CAND2: variants seen among roughly 807,000 people sequenced by gnomAD.
CAND2 encodes cullin associated and neddylation dissociated 2 (putative), also known as cullin-associated NEDD8-dissociated protein 2.
In CAND2, 62 loss-of-function variants were observed where a neutral mutation model predicts 98.9. That is an observed-to-expected ratio of 0.63 (90% CI 0.51 to 0.77). The LOEUF (loss-of-function observed/expected upper bound fraction) is 0.77, where lower values mean the gene tolerates loss of function less well. Ranked by LOEUF, CAND2 falls within the 30% of genes least tolerant of loss-of-function variation. The pLI is 0.00. For synonymous variants in CAND2, 770 were observed against 731.9 expected (o/e 1.05, Z -0.84); for missense variants, 1,501 against 1,655.2 (o/e 0.91, Z 1.62).
chr3:12,810,523 A>AAACGC (rs1416302520), intron 5 of CAND2, among the ~76,000 whole-genome samples, 199 bp downstream of exon 5: 1 of 152,200 alleles, frequency 6.6e-6, no homozygotes, highest in Non-Finnish European at 1.5e-5. Flanking sequence ...GAAGCCCCTG[A>AAACGC]AACGCAGAGG....
Position 12,817,620 on chromosome 3 carries a change from C to T in CAND2, c.2688C>T (p.Phe896=), listed in dbSNP as rs763399775. ...GRVGAGSLPD[F]LPFLLEQIEA... Reference sequence around the variant, plus strand: ...TGGGTGCTGGCAGCCTGCCCGACTTCCTGCCCTTCCTGCTGGAGCAGATCG... The same window carrying T: ...TGGGTGCTGGCAGCCTGCCCGACTTTCTGCCCTTCCTGCTGGAGCAGATCG... Residue 896 remains phenylalanine, a synonymous_variant, in exon 10 of 15, where the codon TTC becomes TTT. Coordinates refer to ENST00000456430, the MANE Select transcript of CAND2 (RefSeq NM_001162499.2). The T allele has an allele frequency of 1.3e-5, 21 of 1,613,554 alleles. No homozygotes were observed. Among genetic ancestry groups the T allele is most frequent in the Non-Finnish European group, 1.8e-5 (21 of 1,180,004 alleles).
At chr3:12,798,918 C>T (rs1226176171) in intron 1 of CAND2, among the ~76,000 whole-genome samples, 6 of 150,636 alleles carry the variant, frequency 4.0e-5, no homozygotes, top group Non-Finnish European at 5.9e-5. Context: ...GTTCCTGGAG[C>T]GGGGCAGCGA....
intron 5 of CAND2, among the ~76,000 whole-genome samples, chr3:12,811,869 A>G (rs1488447235): frequency 6.7e-6 from 1 of 150,178 alleles, no homozygotes; most frequent in Non-Finnish European, 1.5e-5. Flanking sequence ...GGGGTGAGCC[A>G]CTGCACCCAA....
intron 12 of CAND2, among the ~76,000 whole-genome samples, chr3:12,827,210 TCAGA>T (rs2062010554): frequency 1.3e-5 from 2 of 152,198 alleles, no homozygotes; most frequent in African/African-American, 4.8e-5. Context: ...TGCCTGCCAC[TCAGA>T]CAGTGCCTGC....
chr3:12,808,285 T>C lies in CAND2; in HGVS notation c.443T>C (p.Val148Ala), dbSNP rs953763551. The C allele has an allele frequency of 1.3e-6, 2 of 1,551,348 alleles. No individual in the cohort carries two copies. The highest frequency in any genetic ancestry group is 1.4e-5 in the African/African-American group (1 of 73,044). The change falls in exon 4 of 15, where the codon GTG (valine) becomes GCG (alanine). Residue 148 changes from valine (V) to alanine (A), a missense_variant. Physicochemically the swap from Val to Ala is moderately conservative, Grantham distance 64. Around this residue, in one of 3 missense-constraint regions of CAND2, gnomAD observed 1,427 missense variants for 1,545.3 expected, o/e 0.92. Coordinates refer to ENST00000456430, the MANE Select transcript of CAND2 (RefSeq NM_001162499.2). ...LTSAIAQQEDVAVQLEALDIL... is the reference protein window; with the variant it reads ...LTSAIAQQEDAAVQLEALDIL... Reference sequence around the variant, plus strand: ...AGTGCCATTGCCCAGCAGGAGGATGTGGCTGTGCAGCTGGAAGCCCTGGAC... The same window carrying C: ...AGTGCCATTGCCCAGCAGGAGGATGCGGCTGTGCAGCTGGAAGCCCTGGAC...
chr3:12,811,562 T>G (rs1411336906), intron 5 of CAND2, among the ~76,000 whole-genome samples: 1 of 152,194 alleles, frequency 6.6e-6, no homozygotes, highest in East Asian at 1.9e-4. Context: ...GTGTAGAACC[T>G]GGACTAAGCT....
chr3:12,799,063 T>C (rs1350273192), intron 1 of CAND2, among the ~76,000 whole-genome samples: 3 of 152,196 alleles, frequency 2.0e-5, no homozygotes, highest in Non-Finnish European at 4.4e-5. Context: ...TTGCAGGTCT[T>C]GCAGGAATTA....
Position 12,816,423 on chromosome 3 carries a change from G to T in CAND2, c.1491G>T (p.Met497Ile). The change falls in exon 10 of 15, where the codon ATG (methionine) becomes ATT (isoleucine). Residue 497 changes from methionine (M) to isoleucine (I), a missense_variant. Met to Ile is a conservative substitution (Grantham distance 10, BLOSUM62 1). This residue lies in a region of CAND2 where 1,427 missense variants were observed against 1,545.3 expected (regional missense o/e 0.92). Coordinates refer to ENST00000456430, the MANE Select transcript of CAND2 (RefSeq NM_001162499.2). ...ADRSSSSTIR[M>I]DALAFLQGLL... ...GCTCCAGCTCCTCCACCATCCGGAT[G>T]GATGCCCTGGCCTTCTTGCAGGGGC... 6.2e-7 allele frequency: 1 copy of T among 1,613,896 alleles called. No homozygotes were observed. The highest frequency in any genetic ancestry group is 8.5e-7 in the Non-Finnish European group (1 of 1,180,012).
Position 12,833,743 on chromosome 3 carries a change from T to A in CAND2, c.3484-12T>A, listed in dbSNP as rs781575711. ...AATAAAGGATGGCTGCTTCTGCTGT[T>A]TCCTACTTTAGGTCAAAGCTGGTTC... On this transcript the variant is annotated splice_polypyrimidine_tract_variant and intron_variant, in intron 14 of 14. Coordinates refer to ENST00000456430, the MANE Select transcript of CAND2 (RefSeq NM_001162499.2). 1 of 1,609,642 alleles carries A rather than the reference T, an allele frequency of 6.2e-7. No homozygotes were observed. The highest frequency in any genetic ancestry group is 1.7e-5 in the Admixed American group (1 of 59,992).
In CAND2 at chr3:12,815,517, G is replaced by T; in HGVS notation, c.1299+84G>T. ...TAGTGTCCCTGGACTTGGAAACTCA[G>T]CTGGGAGAACATCCAGCCATGGAAG... On this transcript the variant is annotated intron_variant, in intron 8 of 14. Coordinates refer to ENST00000456430, the MANE Select transcript of CAND2 (RefSeq NM_001162499.2). The surrounding 1 kb of genome is among the most constrained non-coding windows in gnomAD (Gnocchi z 5.7). 1 of 1,374,288 alleles carries T rather than the reference G, an allele frequency of 7.3e-7. No homozygotes were observed. Among genetic ancestry groups the T allele is most frequent in the South Asian group, 1.4e-5 (1 of 71,552 alleles). The allele number at this position is 1,374,288 out of a possible 1,614,324, so 85.1% of individuals were successfully genotyped here.
At position 12,807,553 on chromosome 3, in the gene CAND2, CAGAGAGTTGA is replaced by C. The variant is rs2061817754; in HGVS notation, c.367+99_367+108del. ...AAAACAAAAAAAAAACACTGAGGCT[CAGAGAGTTGA>C]AGAGACATACCTGAGGTCACTCAGC... On this transcript the variant is annotated intron_variant, in intron 3 of 14. Transcript: ENST00000456430. 10 of 1,317,684 alleles carry C rather than the reference CAGAGAGTTGA, an allele frequency of 7.6e-6. No individual in the cohort carries two copies. In the Middle Eastern group the frequency reaches 8.1e-4, roughly 106 times the overall value. 81.6% of individuals were successfully genotyped at this position (1,317,684 alleles called of 1,614,324 possible).
chr3:12,817,559 A>T lies in CAND2; in HGVS notation c.2627A>T (p.Asp876Val), dbSNP rs766670528. Residue 876 changes from aspartate (D) to valine (V), a missense_variant, in exon 10 of 15, where the codon GAT becomes GTT. Asp to Val is a radical substitution (Grantham distance 152, BLOSUM62 -3). This residue lies in a region of CAND2 where 1,427 missense variants were observed against 1,545.3 expected (regional missense o/e 0.92). Transcript: ENST00000456430. ...GAAGCTTTGGGGTCACCCAGTGAGG[A>T]TGTGAGGGCTGCAGCCTCGTATGCA... is the stretch of plus-strand genomic sequence containing the variant. ...LLEALGSPSE[D>V]VRAAASYALG... The T allele has an allele frequency of 1.2e-6, 2 of 1,613,870 alleles. No homozygotes were observed. The highest frequency in any genetic ancestry group is 2.2e-5 in the South Asian group (2 of 91,082).
chr3:12,830,461 T>G (rs2062044239), intron 13 of CAND2, among the ~76,000 whole-genome samples: 1 of 152,214 alleles, frequency 6.6e-6, no homozygotes, highest in South Asian at 2.1e-4. Context: ...TGAGGAGTTC[T>G]GGGCCAGCCC....
chr3:12,797,638 C>A (rs972167147), intron 1 of CAND2, among the ~76,000 whole-genome samples: 1 of 152,180 alleles, frequency 6.6e-6, no homozygotes, highest in African/African-American at 2.4e-5. Context: ...GGGATTGGCC[C>A]GTGGTCTCAT....
intron 10 of CAND2, among the ~76,000 whole-genome samples, chr3:12,819,620 T>C (rs1398226995): frequency 6.6e-6 from 1 of 152,236 alleles, no homozygotes; most frequent in Admixed American, 6.5e-5. Flanking sequence ...CCAGGAATTC[T>C]GGATCTGCTG....
chr3:12,826,110 G>A (rs1453501669), intron 12 of CAND2, among the ~76,000 whole-genome samples: 2 of 152,156 alleles, frequency 1.3e-5, no homozygotes, highest in African/African-American at 4.8e-5. Flanking sequence ...CCTTACAATG[G>A]TTCAACTTTA....
chr3:12,827,316 GA>G, intron 12 of CAND2, 123 bp from the exon 13 acceptor site: 1 of 831,242 alleles, frequency 1.2e-6, no homozygotes, highest in East Asian at 2.6e-5. Context: ...GGAGACTTGA[GA>G]GTATAAGGCA....
intron 2 of CAND2, among the ~76,000 whole-genome samples, chr3:12,805,762 A>T (rs2061801984): frequency 6.6e-6 from 1 of 152,136 alleles, no homozygotes; most frequent in Non-Finnish European, 1.5e-5. Context: ...AGACTCAGAT[A>T]ATTATAGAAA....
chr3:12,833,253 G>A (rs1424229615), intron 14 of CAND2, among the ~76,000 whole-genome samples: 1 of 152,202 alleles, frequency 6.6e-6, no homozygotes, highest in Non-Finnish European at 1.5e-5. Context: ...AACTGCAGGA[G>A]GTAGTTTGGG....
Sources: allele counts gnomAD v4.1 joint callset (sites outside exome capture counted in the v4.1 genomes callset), GRCh38; gene constraint gnomAD v4.1.1; regional missense constraint gnomAD v4.1.1; non-coding constraint Gnocchi (gnomAD v3.1); transcripts MANE v1.5; gene names NCBI Gene and HGNC (gene_info 2026-07-23, HGNC 2026-07-21).